The following SRRM4 variants were observed in gnomAD, a reference collection of about 807,000 sequenced individuals.
SRRM4 encodes serine/arginine repetitive matrix 4.
SRRM4 carries 33 observed loss-of-function variants against 68.9 expected under a neutral mutation model. The ratio of observed to expected loss-of-function variants is 0.48; its 90% confidence interval spans 0.36 to 0.64. The LOEUF (loss-of-function observed/expected upper bound fraction) is 0.64. Among genes scored for constraint, SRRM4 ranks in the 30% least tolerant of loss-of-function variants. The pLI is 0.00. For synonymous variants in SRRM4, 318 were observed against 318.8 expected (o/e 1.00, Z 0.03); for missense variants, 817 against 827.1 (o/e 0.99, Z 0.15).
At chr12:119,131,228 GAAGTCT>G (rs1301440213) in intron 8 of SRRM4, among the ~76,000 whole-genome samples, 1 of 152,222 alleles carries the variant, frequency 6.6e-6, no homozygotes, top group Non-Finnish European at 1.5e-5. Context: ...GCTTTTACAT[GAAGTCT>G]GCATCTTTTA....
chr12:118,985,231 T>C lies in SRRM4; in HGVS notation c.131+3218T>C, dbSNP rs1304022310. Among the ~76,000 whole-genome samples, 7 of 152,298 alleles carry C rather than the reference T, an allele frequency of 4.6e-5. No homozygotes were observed. The East Asian group carries it at 1.4e-3, about 29-fold the overall frequency. Reference sequence around the variant, plus strand: ...AGGGTAGAGAGTGGTCCCATAATCCTCGTCTCTGAGAAGAGGCTAACTGCT... The same window carrying C: ...AGGGTAGAGAGTGGTCCCATAATCCCCGTCTCTGAGAAGAGGCTAACTGCT... On this transcript the variant is annotated intron_variant, in intron 1 of 12. Coordinates refer to ENST00000267260, the MANE Select transcript of SRRM4 (RefSeq NM_194286.4).
chr12:119,075,520 A>G (rs865818692), intron 1 of SRRM4, among the ~76,000 whole-genome samples: 44 of 99,984 alleles, frequency 4.4e-4, no homozygotes, highest in East Asian at 9.6e-4. Context: ...TGATGGTGGT[A>G]ATGATGGTGA....
At chr12:119,033,556 C>G (rs1237325764) in intron 1 of SRRM4, among the ~76,000 whole-genome samples, 1 of 152,020 alleles carries the variant, frequency 6.6e-6, no homozygotes, top group East Asian at 1.9e-4. Flanking sequence ...CCCAGCTACT[C>G]CGGAGGCTGA....
Position 119,162,036 on chromosome 12 carries a change from G to T in SRRM4, c.*5238G>T, listed in dbSNP as rs1447585208. 6.6e-6 allele frequency: 1 copy of T among 152,076 alleles called. No homozygotes were observed. Among genetic ancestry groups the T allele is most frequent in the Non-Finnish European group, 1.5e-5 (1 of 68,018 alleles). The allele number at this position is 152,076 out of a possible 1,614,324, so 9.4% of individuals were successfully genotyped here. A position where few individuals can be genotyped will look rare whatever the true frequency, so the allele number is the denominator to read the frequency against. On this transcript the variant is annotated 3_prime_UTR_variant, in exon 13 of 13. Coordinates refer to ENST00000267260, the MANE Select transcript of SRRM4 (RefSeq NM_194286.4). ...GTATCAGTCTGAATGAAATGGAATG[G>T]GTCTCTAGCCTCAGTCTTGTCATCT...
intron 1 of SRRM4, among the ~76,000 whole-genome samples, chr12:118,995,326 C>T (rs74533298): frequency 0.048 from 7,354 of 152,296 alleles, 227 homozygotes; most frequent in East Asian, 0.13. Flanking sequence ...TCCTGTGCTG[C>T]TAACTCTCAC....
In SRRM4 at chr12:119,116,903, C is replaced by T. The variant is rs7957616; in HGVS notation, c.366-34C>T. On this transcript the variant is annotated intron_variant, in intron 3 of 12. Coordinates refer to ENST00000267260, the MANE Select transcript of SRRM4 (RefSeq NM_194286.4). ...GAAACCAACCTTGGCCTTTAAGAGCCTCCTTCTGAAATGTGTCTTCTTGGC... is the reference window on the plus strand; with the variant it reads ...GAAACCAACCTTGGCCTTTAAGAGCTTCCTTCTGAAATGTGTCTTCTTGGC... The T allele has an allele frequency of 3.3e-4, 534 of 1,607,224 alleles. 1 individual carries two copies. In the African/African-American group the frequency reaches 6.4e-3, roughly 19 times the overall value.
At chr12:119,000,904 T>C (rs1329484539) in intron 1 of SRRM4, 1 of 152,220 alleles carries the variant, frequency 6.6e-6, no homozygotes, top group Non-Finnish European at 1.5e-5. Context: ...CAGCACCATT[T>C]TTCTGCCAAG....
At chr12:119,075,817 G>A (rs1247569201) in intron 1 of SRRM4, among the ~76,000 whole-genome samples, 18 of 131,474 alleles carry the variant, frequency 1.4e-4, no homozygotes, top group African/African-American at 5.0e-4. Context: ...TGATGATAAC[G>A]GTGATGATGG....
intron 3 of SRRM4, among the ~76,000 whole-genome samples, chr12:119,116,093 G>T (rs1452114561): frequency 6.6e-6 from 1 of 152,122 alleles, no homozygotes; most frequent in African/African-American, 2.4e-5. Flanking sequence ...CTTCCACCCA[G>T]CCTGCTTCAT....
chr12:119,048,918 T>A (rs1467166420), intron 1 of SRRM4, among the ~76,000 whole-genome samples: 1 of 152,200 alleles, frequency 6.6e-6, no homozygotes, highest in Non-Finnish European at 1.5e-5. Flanking sequence ...AGTGAGACTC[T>A]GTCTCAATAA....
At chr12:119,144,651 T>A (rs1433201054) in intron 8 of SRRM4, 9 of 152,208 alleles carry the variant, frequency 5.9e-5, no homozygotes, top group Admixed American at 5.9e-4. Flanking sequence ...CACACACAAA[T>A]ATCTATAGTG....
At chr12:119,128,581 G>A (rs999681438) in intron 7 of SRRM4, among the ~76,000 whole-genome samples, 3 of 152,194 alleles carry the variant, frequency 2.0e-5, no homozygotes, top group Admixed American at 2.0e-4. Context: ...CCTTTTTCTG[G>A]AGGACATTGG....
At chr12:119,131,044 A>T (rs1436944670) in intron 8 of SRRM4, among the ~76,000 whole-genome samples, 2 of 152,192 alleles carry the variant, frequency 1.3e-5, no homozygotes, top group African/African-American at 4.8e-5. Context: ...AGGGGGAGAA[A>T]AACTAAATAC....
Position 119,154,144 on chromosome 12 carries a change from C to T in SRRM4, c.1392-99C>T, listed in dbSNP as rs1025669819. 16 of 1,138,064 alleles carry T rather than the reference C, an allele frequency of 1.4e-5. No individual in the cohort carries two copies. The highest frequency in any genetic ancestry group is 2.9e-5 in the South Asian group (2 of 69,340). 70.5% of individuals were successfully genotyped at this position (1,138,064 alleles called of 1,614,324 possible). ...AACGTGCAGACCCCATCCCGTGACCCAGTGGGGTGGGAAAGAAAGGGAGTG... is the reference window on the plus strand; with the variant it reads ...AACGTGCAGACCCCATCCCGTGACCTAGTGGGGTGGGAAAGAAAGGGAGTG... On this transcript the variant is annotated intron_variant, in intron 11 of 12. Coordinates refer to ENST00000267260, the MANE Select transcript of SRRM4 (RefSeq NM_194286.4). The surrounding 1 kb of genome is among the most constrained non-coding windows in gnomAD (Gnocchi z 4.7).
At chr12:119,132,019 T>C (rs1954301301) in intron 8 of SRRM4, among the ~76,000 whole-genome samples, 1 of 152,136 alleles carries the variant, frequency 6.6e-6, no homozygotes, top group Admixed American at 6.5e-5. Context: ...TGCAGTGCAT[T>C]CCAGGAATCT....
At position 119,156,702 on chromosome 12, in the gene SRRM4, C is replaced by CAGCCGGAGCCGGAGCAGGAGCCGG. The variant is rs778154280; in HGVS notation, c.1763_1786dup (p.Arg588_Ser595dup). ...CCCGCAGCCCTAGTCCGGGCTCCCG[C>CAGCCGGAGCCGGAGCAGGAGCCGG]AGCCGGAGCCGGAGCAGGAGCCGGA... On this transcript the variant is annotated inframe_insertion, in exon 13 of 13. Transcript: ENST00000267260. The CAGCCGGAGCCGGAGCAGGAGCCGG allele has an allele frequency of 1.0e-5, 16 of 1,548,692 alleles. No individual in the cohort carries two copies. Among genetic ancestry groups the CAGCCGGAGCCGGAGCAGGAGCCGG allele is most frequent in the East Asian group, 2.4e-5 (1 of 41,002 alleles).
intron 2 of SRRM4, among the ~76,000 whole-genome samples, chr12:119,104,633 C>T (rs35850732): frequency 0.077 from 11,691 of 151,796 alleles, 501 homozygotes; most frequent in Admixed American, 0.1. Flanking sequence ...ATCTTGTTGA[C>T]GATGATCAAG....
At chr12:119,004,310 C>T (rs1000586653) in intron 1 of SRRM4, among the ~76,000 whole-genome samples, 5 of 151,946 alleles carry the variant, frequency 3.3e-5, no homozygotes, top group Non-Finnish European at 5.9e-5. Context: ...CTGCTCCTTG[C>T]GTCCTGTGGG....
intron 1 of SRRM4, among the ~76,000 whole-genome samples, chr12:118,982,557 C>T (rs898871719): frequency 2.6e-5 from 4 of 152,132 alleles, no homozygotes; most frequent in African/African-American, 9.7e-5. Context: ...GCGGCTGCTG[C>T]CGCTGCTGCT....
Sources: allele counts gnomAD v4.1 joint callset (sites outside exome capture counted in the v4.1 genomes callset), GRCh38; gene constraint gnomAD v4.1.1; non-coding constraint Gnocchi (gnomAD v3.1); transcripts MANE v1.5; gene names NCBI Gene and HGNC (gene_info 2026-07-23, HGNC 2026-07-21).